ARHGAP6: variants seen among roughly 807,000 people sequenced by gnomAD.
ARHGAP6 encodes Rho GTPase activating protein 6, also known as rho GTPase-activating protein 6.
ARHGAP6 carries 16 observed loss-of-function variants against 55.7 expected under a neutral mutation model. The observed-to-expected ratio is 0.29, with a 90% CI of 0.19 to 0.44. The LOEUF is 0.44. ARHGAP6 is among the 20% of genes least tolerant of loss of function. ARHGAP6 has a pLI of 1.00. For missense variants in ARHGAP6, 698 were observed against 808.9 expected (o/e 0.86, Z 1.66); for synonymous variants, 382 against 360.9 (o/e 1.06, Z -0.66).
chrX:11,573,448 T>C lies in ARHGAP6; in HGVS notation c.588+90793A>G, dbSNP rs750344769. ...CACCATTTATTAAATAGGGAATCCT[T>C]TCCCCGTTGCTTGTTTTTGTCAGGT... On this transcript the variant is annotated intron_variant, in intron 1 of 12. Coordinates refer to ENST00000337414, the MANE Select transcript of ARHGAP6 (RefSeq NM_013427.3). Among the ~76,000 whole-genome samples, 829 of 110,553 alleles carry C rather than the reference T, an allele frequency of 7.5e-3. 10 individuals carry two copies. Among genetic ancestry groups the C allele is most frequent in the African/African-American group, 0.026 (789 of 30,343 alleles).
intron 1 of ARHGAP6, among the ~76,000 whole-genome samples, chrX:11,625,309 G>GTA (rs1491005642): frequency 3.5e-5 from 3 of 84,941 alleles, no homozygotes; most frequent in East Asian, 3.0e-4. Context: ...GTGTGTGTGT[G>GTA]TATATGTATA....
In ARHGAP6 at chrX:11,342,415, T is replaced by G. The variant is rs781669005; in HGVS notation, c.589-87708A>C. On this transcript the variant is annotated intron_variant, in intron 1 of 12. Transcript: ENST00000337414. ...AATTTGCACATTGGACGCTATAGTC[T>G]GGATCCTCTTCAGGATTTTCTTTAT... Among the ~76,000 whole-genome samples the G allele has an allele frequency of 3.6e-5, 4 of 112,363 alleles. No individual in the cohort carries two copies. The South Asian group carries it at 1.1e-3, about 31-fold the overall frequency.
intron 1 of ARHGAP6, among the ~76,000 whole-genome samples, chrX:11,520,331 G>T (rs1217382475): frequency 9.8e-6 from 1 of 101,563 alleles, no homozygotes; most frequent in African/African-American, 3.6e-5. Context: ...CCCACAACAG[G>T]CCCCAGTGTG....
intron 2 of ARHGAP6, among the ~76,000 whole-genome samples, chrX:11,232,617 A>T (rs2047149533): frequency 8.9e-6 from 1 of 111,920 alleles, no homozygotes; most frequent in Admixed American, 9.5e-5. Flanking sequence ...TGGGCGACAG[A>T]GGGAGACTCC....
At chrX:11,389,148 C>A (rs2049370755) in intron 1 of ARHGAP6, among the ~76,000 whole-genome samples, 1 of 111,609 alleles carries the variant, frequency 9.0e-6, no homozygotes, top group Non-Finnish European at 1.9e-5. Flanking sequence ...GCTAAACACT[C>A]TACAACGCAT....
chrX:11,646,425 G>T (rs944660970), intron 1 of ARHGAP6, among the ~76,000 whole-genome samples: 1 of 111,610 alleles, frequency 9.0e-6, no homozygotes, highest in African/African-American at 3.3e-5. Flanking sequence ...AGTCTTGGGG[G>T]TCATTTCAAT....
At chrX:11,530,230 T>G (rs918177429) in intron 1 of ARHGAP6, among the ~76,000 whole-genome samples, 2 of 112,000 alleles carry the variant, frequency 1.8e-5, no homozygotes, top group Admixed American at 9.5e-5. Context: ...CCCTACAATA[T>G]GCCAAGCTGG....
intron 1 of ARHGAP6, among the ~76,000 whole-genome samples, chrX:11,420,391 G>T (rs1190690426): frequency 1.8e-5 from 2 of 111,939 alleles, no homozygotes; most frequent in Non-Finnish European, 3.8e-5. Flanking sequence ...AATTGTGTTT[G>T]TAAACAGTGG....
At chrX:11,308,177 C>A (rs751460726) in intron 1 of ARHGAP6, among the ~76,000 whole-genome samples, 1 of 111,994 alleles carries the variant, frequency 8.9e-6, no homozygotes, top group African/African-American at 3.2e-5. Context: ...TGTTAACACA[C>A]AATTCACCAA....
intron 1 of ARHGAP6, among the ~76,000 whole-genome samples, chrX:11,347,557 T>A (rs2048804946): frequency 8.9e-6 from 1 of 112,250 alleles, no homozygotes; most frequent in Non-Finnish European, 1.9e-5. Flanking sequence ...TGGTAGAGCA[T>A]CCACTGCAGT....
chrX:11,307,910 G>A (rs2048254694), intron 1 of ARHGAP6, among the ~76,000 whole-genome samples: 1 of 112,328 alleles, frequency 8.9e-6, no homozygotes, highest in Admixed American at 9.4e-5. Context: ...ACAATAAAAA[G>A]TCTATGCCTA....
chrX:11,656,096 G>T (rs2052634005), intron 1 of ARHGAP6, among the ~76,000 whole-genome samples: 1 of 112,070 alleles, frequency 8.9e-6, no homozygotes, highest in African/African-American at 3.2e-5. Context: ...GAGAAGGAGA[G>T]GAAACAAAAT....
intron 1 of ARHGAP6, among the ~76,000 whole-genome samples, chrX:11,386,363 T>C (rs1302394097): frequency 8.9e-6 from 1 of 112,753 alleles, no homozygotes; most frequent in East Asian, 2.8e-4. Flanking sequence ...AGGATAAAGA[T>C]CTTTGCAATA....
At chrX:11,313,171 C>A (rs1483090679) in intron 1 of ARHGAP6, among the ~76,000 whole-genome samples, 1 of 112,289 alleles carries the variant, frequency 8.9e-6, no homozygotes, top group Non-Finnish European at 1.9e-5. Context: ...GAGGCAAAGC[C>A]AGAATTCCTG....
intron 1 of ARHGAP6, among the ~76,000 whole-genome samples, chrX:11,568,063 A>T (rs905193680): frequency 9.0e-6 from 1 of 111,649 alleles, no homozygotes; most frequent in Non-Finnish European, 1.9e-5. Context: ...TAGGTGTTCC[A>T]AACACGCAGC....
At chrX:11,427,489 C>A in intron 1 of ARHGAP6, 1 of 928,867 alleles carries the variant, frequency 1.1e-6, no homozygotes, top group African/African-American at 2.1e-5. Flanking sequence ...CCTCGCAGTC[C>A]CCACCCGGAG....
chrX:11,558,834 C>T (rs6640748), intron 1 of ARHGAP6, among the ~76,000 whole-genome samples: 1 of 18,925 alleles, frequency 5.3e-5, no homozygotes, highest in African/African-American at 3.0e-4. Context: ...AAGATTCCAT[C>T]TCAAAAAAAA....
At chrX:11,520,909 C>A (rs1475490831) in intron 1 of ARHGAP6, among the ~76,000 whole-genome samples, 1 of 112,112 alleles carries the variant, frequency 8.9e-6, no homozygotes, top group Admixed American at 9.4e-5. Flanking sequence ...TCTCTGATGG[C>A]CAGTGATGAT....
rs1168686558 is a variant in ARHGAP6 at position 11,453,203 on chromosome X, T to TAC, written c.589-198498_589-198497dup. The stretch of plus-strand genomic sequence containing the variant: ...TTGGCTCTCTCTCTCTCTATATATA[T>TAC]ACATAATATATATATATGCTATATA... On this transcript the variant is annotated intron_variant, in intron 1 of 12. Transcript: ENST00000337414. Among the ~76,000 whole-genome samples, 4 of 100,819 alleles carry TAC rather than the reference T, an allele frequency of 4.0e-5. No homozygotes were observed. In the East Asian group the frequency reaches 1.2e-3, roughly 29 times the overall value. 87.5% of individuals were successfully genotyped at this position (100,819 alleles called of 115,157 possible). A position where few individuals can be genotyped will look rare whatever the true frequency, so the allele number is the denominator to read the frequency against.
Sources: gnomAD v4.1 joint callset for allele counts (sites outside exome capture counted in the v4.1 genomes callset) on GRCh38, gnomAD v4.1.1 for gene constraint, MANE v1.5 for transcripts, NCBI Gene and HGNC (gene_info 2026-07-23, HGNC 2026-07-21) for gene names.